The following TPTE2 variants were observed in gnomAD, a reference collection of about 807,000 sequenced individuals.
TPTE2 encodes phosphatidylinositol 3,4,5-trisphosphate 3-phosphatase TPTE2.
Under a neutral mutation model 78.6 loss-of-function variants are expected in TPTE2, and 53 were observed. The ratio of observed to expected loss-of-function variants is 0.67; its 90% CI spans 0.54 to 0.85. The LOEUF (loss-of-function observed/expected upper bound fraction) is 0.85, where lower values mean the gene tolerates loss of function less well. Ranked by LOEUF, TPTE2 falls within the 40% of genes least tolerant of loss-of-function variation. The pLI is 0.00. For missense variants in TPTE2, 461 were observed against 623.0 expected (o/e 0.74, Z 2.77); for synonymous variants, 175 against 206.2 (o/e 0.85, Z 1.30).
At chr13:19,492,538 G>A (rs1345096109) in intron 3 of TPTE2, among the ~76,000 whole-genome samples, 1 of 152,214 alleles carries the variant, frequency 6.6e-6, no homozygotes, top group South Asian at 2.1e-4. Flanking sequence ...GCTCTCCTAC[G>A]AACTGACCTC....
intron 1 of TPTE2, among the ~76,000 whole-genome samples, chr13:19,501,918 C>T (rs1402774418): frequency 4.0e-5 from 6 of 150,982 alleles, no homozygotes; most frequent in Non-Finnish European, 7.4e-5. Context: ...GGCTAATATC[C>T]AGAATCTACA....
At chr13:19,561,239 C>A in the TPTE2 span, 47 of 1,317,834 alleles carry the variant, frequency 3.6e-5, no homozygotes, top group Non-Finnish European at 4.8e-5. Flanking sequence ...GGCTCACTGC[C>A]CACCACCTGG....
chr13:19,467,353 TAAAAAA>T lies in TPTE2; in HGVS notation c.393-15_393-10del, dbSNP rs71092363. ...AAAAATACTGCTGTCTCCTGTAATA[TAAAAAA>T]AAAAAAAAAAAAGTTCATTTCCCTC... On this transcript the variant is annotated splice_polypyrimidine_tract_variant and intron_variant, in intron 6 of 19. Transcript: ENST00000400230. 16 of 1,193,314 alleles carry T rather than the reference TAAAAAA, an allele frequency of 1.3e-5. No individual in the cohort carries two copies. The highest frequency in any genetic ancestry group is 4.5e-5 in the South Asian group (2 of 44,270). The allele number at this position is 1,193,314 out of a possible 1,614,324, so 73.9% of individuals were successfully genotyped here.
intron 17 of TPTE2, among the ~76,000 whole-genome samples, chr13:19,428,545 G>T (rs1230663888): frequency 6.6e-6 from 1 of 152,058 alleles, no homozygotes; most frequent in Non-Finnish European, 1.5e-5. Flanking sequence ...ATGTTGCAAG[G>T]CTGAGGTGGA....
At chr13:19,436,712 G>A (rs780482432) in intron 14 of TPTE2, among the ~76,000 whole-genome samples, 1 of 152,098 alleles carries the variant, frequency 6.6e-6, no homozygotes, top group Admixed American at 6.6e-5. Flanking sequence ...ACCCATGCCC[G>A]GCCACAGTGA....
chr13:19,547,738 T>TATATATATATATATATATATATATAA, the TPTE2 span, among the ~76,000 whole-genome samples: 3 of 146,306 alleles, frequency 2.1e-5, no homozygotes, highest in African/African-American at 7.5e-5. Context: ...TATATATATA[T>TATATATATATATATATATATATATAA]ATGCATACTG....
intron 2 of TPTE2, 110 bp from the exon 6 acceptor site, chr13:19,493,013 A>C: frequency 6.9e-7 from 1 of 1,455,478 alleles, no homozygotes; most frequent in Non-Finnish European, 9.4e-7. Context: ...TTTCTGTCAG[A>C]AATCTGAGTC....
At chr13:19,444,786 AG>A (rs1440760463) in intron 13 of TPTE2, among the ~76,000 whole-genome samples, 7 of 152,240 alleles carry the variant, frequency 4.6e-5, no homozygotes, top group Non-Finnish European at 1.0e-4. Context: ...AGAAAGCTAC[AG>A]TAAGATAGTT....
chr13:19,538,977 G>A (rs1407037615), upstream of TPTE2, among the ~76,000 whole-genome samples: 1 of 152,238 alleles, frequency 6.6e-6, no homozygotes, highest in African/African-American at 2.4e-5. Flanking sequence ...TGTCTGGTGA[G>A]AGACTTCTTG....
At chr13:19,462,158 T>G (rs1259916385) in intron 10 of TPTE2, among the ~76,000 whole-genome samples, 1 of 152,108 alleles carries the variant, frequency 6.6e-6, no homozygotes, top group Non-Finnish European at 1.5e-5. Context: ...TTTGATTCCT[T>G]TCTCTTTCTC....
chr13:19,444,306 C>CAAAAAAAAAA (rs538483322), intron 13 of TPTE2, among the ~76,000 whole-genome samples: 1 of 39,772 alleles, frequency 2.5e-5, no homozygotes, highest in African/African-American at 8.6e-5. Flanking sequence ...GACTCTGCCA[C>CAAAAAAAAAA]AAAAAAAAAA....
the TPTE2 span, chr13:19,560,916 A>C: frequency 5.7e-5 from 90 of 1,590,848 alleles, no homozygotes; most frequent in Non-Finnish European, 7.5e-5. Context: ...GAGGCCAGAC[A>C]GCTGTACTCC....
chr13:19,485,181 G>A (rs1880591986), intron 3 of TPTE2, among the ~76,000 whole-genome samples: 1 of 151,992 alleles, frequency 6.6e-6, no homozygotes, highest in Admixed American at 6.6e-5. Context: ...TATGATGGTG[G>A]TTATCATCTT....
At chr13:19,423,041 C>T (rs1391066491) in exon 20 of TPTE2, 3 of 1,610,618 alleles carry the variant, frequency 1.9e-6, no homozygotes, top group Admixed American at 1.7e-5. Flanking sequence ...TAGTCGGATC[C>T]AGCTACAACA....
intron 4 of TPTE2, among the ~76,000 whole-genome samples, chr13:19,478,214 T>C (rs1273364607): frequency 6.6e-6 from 1 of 151,626 alleles, no homozygotes; most frequent in Non-Finnish European, 1.5e-5. Flanking sequence ...ACCATCAGAG[T>C]GAACAGGCAA....
intron 15 of TPTE2, among the ~76,000 whole-genome samples, chr13:19,435,858 T>C (rs561641123): frequency 7.2e-5 from 11 of 152,160 alleles, no homozygotes; most frequent in African/African-American, 2.7e-4. Context: ...AGTAAGGGTT[T>C]GTGAAAGACT....
At chr13:19,428,348 G>A (rs1036451617) in intron 17 of TPTE2, among the ~76,000 whole-genome samples, 13 of 151,944 alleles carry the variant, frequency 8.6e-5, no homozygotes, top group African/African-American at 1.9e-4. Flanking sequence ...CTTGGGAGGC[G>A]GAGGCAGGAG....
intron 1 of TPTE2, among the ~76,000 whole-genome samples, chr13:19,517,770 C>T (rs777967520): frequency 3.3e-5 from 5 of 152,176 alleles, no homozygotes; most frequent in African/African-American, 4.8e-5. Context: ...GGGAATAGAA[C>T]GAGCTTGGCC....
intron 17 of TPTE2, among the ~76,000 whole-genome samples, chr13:19,427,287 G>A (rs1222285944): frequency 6.6e-6 from 1 of 151,056 alleles, no homozygotes; most frequent in Non-Finnish European, 1.5e-5. Context: ...GTTTCACCAT[G>A]TTGGCCAGAA....
Sources: gnomAD v4.1 joint callset for allele counts (sites outside exome capture counted in the v4.1 genomes callset) on GRCh38, gnomAD v4.1.1 for gene constraint, MANE v1.5 for transcripts, NCBI Gene and HGNC (gene_info 2026-07-23, HGNC 2026-07-21) for gene names.